ANO3: variants seen among roughly 807,000 people sequenced by gnomAD.
The protein encoded by ANO3 is anoctamin 3, also known as anoctamin-3.
Under a neutral mutation model 144.8 loss-of-function variants are expected in ANO3, and 99 were observed. That is an observed-to-expected ratio of 0.68 (90% CI 0.58 to 0.81). ANO3 has a LOEUF of 0.81. Among genes scored for constraint, ANO3 ranks in the 30% least tolerant of loss-of-function variants. The pLI, the probability that ANO3 is intolerant of heterozygous loss-of-function variation, is 0.00. For missense variants in ANO3, 905 were observed against 1,202.2 expected (o/e 0.75, Z 3.66); for synonymous variants, 414 against 392.6 (o/e 1.05, Z -0.64).
At chr11:26,340,900 A>G (rs1855339465) in intron 1 of ANO3, among the ~76,000 whole-genome samples, 1 of 152,158 alleles carries the variant, frequency 6.6e-6, no homozygotes, top group African/African-American at 2.4e-5. Flanking sequence ...GTCAAACTGG[A>G]CACTTTAATT....
chr11:26,554,109 T>TG (rs1313789885), intron 13 of ANO3, among the ~76,000 whole-genome samples: 2 of 152,136 alleles, frequency 1.3e-5, no homozygotes, highest in African/African-American at 4.8e-5. Context: ...CCTTCCCCTG[T>TG]GCTCTAGCAG....
chr11:26,260,527 C>CGACT lies in ANO3; in HGVS notation c.155-49118_155-49117insGACT, dbSNP rs149652625. 1.0e-2 allele frequency among the ~76,000 whole-genome samples: 1,518 copies of CGACT among 152,154 alleles called. 31 individuals are homozygous for CGACT. Among genetic ancestry groups the CGACT allele is most frequent in the African/African-American group, 0.035 (1,454 of 41,514 alleles). On this transcript the variant is annotated intron_variant, in intron 1 of 27. Coordinates refer to the ANO3 transcript ENST00000672621. Reference sequence around the variant, plus strand: ...AAGAGATATCACCGCATGGAACAGTCCTTAAGGGGGCCTGAGATTGTTGGA... The same window carrying CGACT: ...AAGAGATATCACCGCATGGAACAGTCGACTCTTAAGGGGGCCTGAGATTGTTGGA...
rs1410943300 is a variant in ANO3 at position 26,562,972 on chromosome 11, C to G, written c.1447+3193C>G. On this transcript the variant is annotated intron_variant, in intron 14 of 26. Transcript: ENST00000256737. ...TATTTTGGTTTTGTTCTTTGATAAA[C>G]AGAAGGTGGATCAGAATAAGTCTTT... The G allele has an allele frequency of 8.5e-6, 10 of 1,174,238 alleles. No homozygotes were observed. In the East Asian group the frequency reaches 2.5e-4, roughly 30 times the overall value. 72.7% of individuals were successfully genotyped at this position (1,174,238 alleles called of 1,614,324 possible).
At chr11:26,231,532 A>T (rs1356637876) in intron 1 of ANO3, among the ~76,000 whole-genome samples, 1 of 152,186 alleles carries the variant, frequency 6.6e-6, no homozygotes, top group Non-Finnish European at 1.5e-5. Flanking sequence ...ATCAATTAGC[A>T]GTATTAATGC....
At chr11:26,273,245 TA>T (rs144726487) in intron 1 of ANO3, among the ~76,000 whole-genome samples, 8,798 of 137,650 alleles carry the variant, frequency 0.064, 521 homozygotes, top group African/African-American at 0.17. Flanking sequence ...TTTTTTTTTT[TA>T]TATTGGACAA....
intron 1 of ANO3, among the ~76,000 whole-genome samples, chr11:26,368,405 C>T (rs1011987841): frequency 2.0e-5 from 3 of 152,124 alleles, no homozygotes; most frequent in Non-Finnish European, 4.4e-5. Context: ...TCAACAACCT[C>T]AATATGAATG....
chr11:26,261,640 A>G (rs979573194), intron 1 of ANO3, among the ~76,000 whole-genome samples: 2 of 152,178 alleles, frequency 1.3e-5, no homozygotes, highest in Non-Finnish European at 2.9e-5. Context: ...TTTATTCCAC[A>G]ACCGACAGTC....
chr11:26,302,858 G>A (rs183975593), intron 1 of ANO3, among the ~76,000 whole-genome samples: 3 of 151,980 alleles, frequency 2.0e-5, no homozygotes, highest in East Asian at 1.9e-4. Flanking sequence ...AAACCAACAA[G>A]CAAAAAACAA....
intron 18 of ANO3, among the ~76,000 whole-genome samples, chr11:26,629,603 T>A (rs1383380887): frequency 6.6e-6 from 1 of 152,152 alleles, no homozygotes; most frequent in Non-Finnish European, 1.5e-5. Flanking sequence ...GATGCATTAT[T>A]CCTTTAATAA....
chr11:26,383,482 T>C (rs1331020536), intron 1 of ANO3, among the ~76,000 whole-genome samples: 1 of 134,178 alleles, frequency 7.5e-6, no homozygotes, highest in Non-Finnish European at 1.7e-5. Flanking sequence ...TTCCTAATAA[T>C]TAAACTCACA....
At chr11:26,521,310 A>C (rs187770458) in intron 6 of ANO3, among the ~76,000 whole-genome samples, 1 of 152,306 alleles carries the variant, frequency 6.6e-6, no homozygotes, top group African/African-American at 2.4e-5. Flanking sequence ...TGCATTCAAA[A>C]TTTTACTCAT....
chr11:26,432,116 G>A (rs1010854829), intron 1 of ANO3, among the ~76,000 whole-genome samples: 2 of 152,008 alleles, frequency 1.3e-5, no homozygotes, highest in Non-Finnish European at 1.5e-5. Context: ...GATGTGAGAT[G>A]GTATCTCATT....
At chr11:26,393,900 T>C (rs900705502) in intron 1 of ANO3, among the ~76,000 whole-genome samples, 2 of 152,168 alleles carry the variant, frequency 1.3e-5, no homozygotes, top group African/African-American at 4.8e-5. Flanking sequence ...TCCCTGAAAC[T>C]TTCTGACCTA....
intron 3 of ANO3, among the ~76,000 whole-genome samples, chr11:26,446,631 G>T (rs1361802531): frequency 6.6e-6 from 1 of 152,150 alleles, no homozygotes; most frequent in Non-Finnish European, 1.5e-5. Context: ...GCCAGCCATT[G>T]GTCAAATCTT....
At chr11:26,522,312 G>A (rs1862115721) in intron 6 of ANO3, among the ~76,000 whole-genome samples, 1 of 152,028 alleles carries the variant, frequency 6.6e-6, no homozygotes, top group African/African-American at 2.4e-5. Flanking sequence ...AATCTAAAGG[G>A]AGGCCAATCT....
chr11:26,466,617 A>T (rs1416526839), intron 4 of ANO3, among the ~76,000 whole-genome samples: 1 of 151,986 alleles, frequency 6.6e-6, no homozygotes, highest in Non-Finnish European at 1.5e-5. Context: ...TCATAAGCAC[A>T]GTTGCCCCAA....
At chr11:26,336,593 C>A (rs971932699) in intron 1 of ANO3, among the ~76,000 whole-genome samples, 4 of 152,182 alleles carry the variant, frequency 2.6e-5, no homozygotes, top group African/African-American at 9.7e-5. Flanking sequence ...TGCTTTGTGT[C>A]AAGTTCTGAA....
chr11:26,516,910 T>C lies in ANO3; in HGVS notation c.675T>C (p.Asn225=). ...DTLCKYAERL[N]IRMPFRKKCY... is the part of the protein sequence containing the mutation. ...TGTGCAAGTATGCAGAGAGGCTGAATATCAGGATGCCCTTCAGGTACTTTC... is the reference window on the plus strand; with the variant it reads ...TGTGCAAGTATGCAGAGAGGCTGAACATCAGGATGCCCTTCAGGTACTTTC... The change falls in exon 6 of 27, where the codon AAT becomes AAC. Residue 225 remains asparagine, a synonymous_variant. Transcript: ENST00000256737. 6.2e-7 allele frequency: 1 copy of C among 1,607,054 alleles called. No homozygotes were observed. Among genetic ancestry groups the C allele is most frequent in the Non-Finnish European group, 8.5e-7 (1 of 1,174,686 alleles).
intron 14 of ANO3, among the ~76,000 whole-genome samples, chr11:26,590,249 A>G (rs10767555): frequency 0.41 from 62,370 of 152,132 alleles, 13,025 homozygotes; most frequent in Middle Eastern, 0.52. Flanking sequence ...TATTTGTCAA[A>G]TATATTATTG....
Sources: allele counts gnomAD v4.1 joint callset (sites outside exome capture counted in the v4.1 genomes callset), GRCh38; gene constraint gnomAD v4.1.1; transcripts MANE v1.5; gene names NCBI Gene and HGNC (gene_info 2026-07-23, HGNC 2026-07-21).